The following VWA8 variants were observed in gnomAD, a reference collection of about 807,000 sequenced individuals.
The protein encoded by VWA8 is von Willebrand factor A domain-containing protein 8.
Under a neutral mutation model 241.5 loss-of-function variants are expected in VWA8, and 221 were observed. That is an observed-to-expected ratio of 0.91 (90% CI 0.82 to 1.02). VWA8 has a LOEUF of 1.02. Among genes scored for constraint, VWA8 ranks in the 50% least tolerant of loss-of-function variants. VWA8 has a pLI of 0.00. For synonymous variants in VWA8, 852 were observed against 827.1 expected (o/e 1.03, Z -0.52); for missense variants, 2,322 against 2,328.7 (o/e 1.00, Z 0.06).
chr13:41,818,164 T>C (rs1026896393), intron 15 of VWA8, among the ~76,000 whole-genome samples: 1 of 151,310 alleles, frequency 6.6e-6, no homozygotes, highest in Non-Finnish European at 1.5e-5. Flanking sequence ...GGTTTCACCA[T>C]GTTGGCCAGC....
At chr13:41,747,767 G>A (rs1001092941) in intron 21 of VWA8, among the ~76,000 whole-genome samples, 11 of 152,126 alleles carry the variant, frequency 7.2e-5, no homozygotes, top group African/African-American at 1.7e-4. Context: ...TTTGAGATAC[G>A]TCCCATCAAT....
intron 37 of VWA8, among the ~76,000 whole-genome samples, chr13:41,659,169 G>C (rs2044931589): frequency 6.6e-6 from 1 of 152,190 alleles, no homozygotes; most frequent in Non-Finnish European, 1.5e-5. Context: ...TCATGACCTT[G>C]TATCAGTGGA....
chr13:41,865,970 G>T lies in VWA8; in HGVS notation c.1279C>A (p.His427Asn). Residue 427 changes from histidine to asparagine, a missense_variant, in exon 11 of 45, where the codon CAT becomes AAT. Physicochemically the swap from His to Asn is moderately conservative, Grantham distance 68. Coordinates refer to ENST00000379310, the MANE Select transcript of VWA8 (RefSeq NM_015058.2). ...ASDRFIQTLS[H>N]KQLQAEMMQS... ...ATCATTTCAGCCTGTAGCTGCTTAT[G>T]GCTCAAAGTCTGTATGAAACGGTCT... 6.2e-7 allele frequency: 1 copy of T among 1,614,184 alleles called. No homozygotes were observed. The highest frequency in any genetic ancestry group is 8.5e-7 in the Non-Finnish European group (1 of 1,180,050).
At chr13:41,841,739 C>T (rs1305197720) in intron 12 of VWA8, among the ~76,000 whole-genome samples, 1 of 125,400 alleles carries the variant, frequency 8.0e-6, no homozygotes, top group South Asian at 2.6e-4. Context: ...GAGCCGAGAT[C>T]GCGCCACTGC....
chr13:41,790,747 CT>C (rs1869418379), intron 17 of VWA8, among the ~76,000 whole-genome samples: 1 of 151,910 alleles, frequency 6.6e-6, no homozygotes, highest in South Asian at 2.1e-4. Flanking sequence ...ATTTCCTAAT[CT>C]TCTAAATTCT....
At chr13:41,644,035 A>T (rs1404145775) in intron 37 of VWA8, among the ~76,000 whole-genome samples, 1 of 152,142 alleles carries the variant, frequency 6.6e-6, no homozygotes, top group Non-Finnish European at 1.5e-5. Flanking sequence ...GGTAAAACCC[A>T]GTATCTTTCT....
intron 37 of VWA8, among the ~76,000 whole-genome samples, chr13:41,650,774 G>A (rs1282629533): frequency 6.6e-6 from 1 of 152,172 alleles, no homozygotes; most frequent in Non-Finnish European, 1.5e-5. Flanking sequence ...GCATGATCAA[G>A]GCATAGGGAT....
At chr13:41,616,670 G>A (rs1387704755) in intron 37 of VWA8, among the ~76,000 whole-genome samples, 5 of 152,154 alleles carry the variant, frequency 3.3e-5, no homozygotes, top group Non-Finnish European at 7.4e-5. Flanking sequence ...TATATTTGAG[G>A]TGACCAATAT....
chr13:41,639,410 C>A (rs751257204), intron 37 of VWA8, among the ~76,000 whole-genome samples: 1 of 152,104 alleles, frequency 6.6e-6, no homozygotes, highest in African/African-American at 2.4e-5. Flanking sequence ...ACAAAAGATG[C>A]GTTCATTTGT....
At chr13:41,748,112 T>C (rs2045624426) in intron 21 of VWA8, among the ~76,000 whole-genome samples, 1 of 152,230 alleles carries the variant, frequency 6.6e-6, no homozygotes, top group Admixed American at 6.5e-5. Flanking sequence ...GCTGGCCTCA[T>C]AAAATGAATT....
At chr13:41,759,706 T>A (rs2137904764) in intron 21 of VWA8, among the ~76,000 whole-genome samples, 1 of 151,902 alleles carries the variant, frequency 6.6e-6, no homozygotes, top group African/African-American at 2.4e-5. Context: ...TCCTGTCATT[T>A]TTAGTCTATT....
At chr13:41,729,464 G>A in intron 23 of VWA8, 78 bp downstream of exon 23, 1 of 1,357,500 alleles carries the variant, frequency 7.4e-7, no homozygotes, top group Non-Finnish European at 9.8e-7. Flanking sequence ...AAATAAGTAG[G>A]CAGCTAAGTT....
chr13:41,743,104 C>T (rs1241836456), intron 21 of VWA8, among the ~76,000 whole-genome samples: 3 of 152,134 alleles, frequency 2.0e-5, no homozygotes, highest in African/African-American at 7.2e-5. Flanking sequence ...CCACAGGCAG[C>T]TCATATGGCT....
intron 37 of VWA8, among the ~76,000 whole-genome samples, chr13:41,658,728 C>T (rs2044927105): frequency 6.6e-6 from 1 of 152,222 alleles, no homozygotes; most frequent in African/African-American, 2.4e-5. Flanking sequence ...ACATCACTCC[C>T]ATGTCCACCC....
Position 41,743,074 on chromosome 13 carries a change from T to C in VWA8, c.2427-10919A>G, listed in dbSNP as rs968247133. On this transcript the variant is annotated intron_variant, in intron 21 of 44. Coordinates refer to ENST00000379310, the MANE Select transcript of VWA8 (RefSeq NM_015058.2). ...AGAACAAGTTGGGGAGTAATAGATA[T>C]GGTATGTGATACCTGGGAACCACAG... is the stretch of plus-strand genomic sequence containing the variant. 3.3e-5 allele frequency among the ~76,000 whole-genome samples: 5 copies of C among 152,176 alleles called. No individual in the cohort carries two copies. In the East Asian group the frequency reaches 7.7e-4, roughly 23 times the overall value.
chr13:41,833,815 T>C (rs1871595860), intron 12 of VWA8, among the ~76,000 whole-genome samples: 2 of 152,188 alleles, frequency 1.3e-5, no homozygotes, highest in Admixed American at 6.5e-5. Context: ...AAAATGTTCG[T>C]TTACATAATG....
rs1299898698 is a variant in VWA8, at chr13:41,573,996, A to G, written c.5370+1744T>C. On this transcript the variant is annotated intron_variant, in intron 43 of 44. Coordinates refer to ENST00000379310, the MANE Select transcript of VWA8 (RefSeq NM_015058.2). ...GGATTGTTTGTAACACAAAAGATAAATGCTTGAGGTGATGGATTTCCCTTT... is the reference window on the plus strand; with the variant it reads ...GGATTGTTTGTAACACAAAAGATAAGTGCTTGAGGTGATGGATTTCCCTTT... Among the ~76,000 whole-genome samples the G allele has an allele frequency of 3.9e-5, 6 of 152,168 alleles. No homozygotes were observed. The South Asian group carries it at 8.3e-4, about 21-fold the overall frequency.
intron 35 of VWA8, among the ~76,000 whole-genome samples, chr13:41,681,964 T>C (rs1282474632): frequency 6.6e-6 from 1 of 152,206 alleles, no homozygotes; most frequent in Non-Finnish European, 1.5e-5. Context: ...CCACGCTGCA[T>C]CTTTTAAGCC....
At chr13:41,769,777 T>C (rs147690135) in intron 20 of VWA8, among the ~76,000 whole-genome samples, 5 of 152,234 alleles carry the variant, frequency 3.3e-5, no homozygotes, top group African/African-American at 1.2e-4. Context: ...AAATAAAAAT[T>C]TTTACCTCAA....
Sources: allele counts gnomAD v4.1 joint callset (sites outside exome capture counted in the v4.1 genomes callset), GRCh38; gene constraint gnomAD v4.1.1; transcripts MANE v1.5; gene names NCBI Gene and HGNC (gene_info 2026-07-23, HGNC 2026-07-21).